Variants in PCDHGA5 observed in about 807,000 individuals in gnomAD.
PCDHGA5 encodes the protein protocadherin gamma-A5.
Under a neutral mutation model 56.7 loss-of-function variants are expected in PCDHGA5, and 36 were observed. The ratio of observed to expected loss-of-function variants is 0.64; its 90% CI spans 0.49 to 0.84. PCDHGA5 has a LOEUF of 0.84. Among genes scored for constraint, PCDHGA5 ranks in the 40% least tolerant of loss-of-function variants. The pLI is 0.00. For synonymous variants in PCDHGA5, 563 were observed against 520.2 expected, an observed-to-expected ratio of 1.08 and a Z score of -1.12; for missense variants, 1,305 against 1,201.5, an observed-to-expected ratio of 1.09 and a Z score of -1.27.
At chr5:141,508,383 T>C (rs1169318572) in intron 3 of PCDHGA5, 1 of 152,236 alleles carries the variant, frequency 6.6e-6, no homozygotes, top group Non-Finnish European at 1.5e-5. Flanking sequence ...CTCAGATTTA[T>C]AGATGGGAAA....
intron 1 of PCDHGA5, among the ~76,000 whole-genome samples, chr5:141,455,594 G>A (rs1263100982): frequency 6.6e-6 from 1 of 152,112 alleles, no homozygotes; most frequent in Non-Finnish European, 1.5e-5. Context: ...ATATGCAAAC[G>A]TAGGGCGCCA....
chr5:141,415,134 C>T (rs760482028), intron 1 of PCDHGA5: 10 of 1,613,552 alleles, frequency 6.2e-6, no homozygotes, highest in South Asian at 3.3e-5. Context: ...TCCAGGACCA[C>T]GGCCAGCCCC....
chr5:141,365,447 G>C lies in PCDHGA5; in HGVS notation c.1117G>C (p.Asp373His). Residue 373 changes from aspartate to histidine, a missense_variant, in exon 1 of 4, where the codon GAT (aspartate) becomes CAT (histidine). Transcript: ENST00000518069. Reference protein sequence around the residue: ...GTVIALFSVHDGDSGENGEIA... With the variant: ...GTVIALFSVHHGDSGENGEIA... Reference sequence around the variant, plus strand: ...TGTAATCGCGCTGTTTAGCGTACATGATGGTGATTCTGGAGAAAATGGTGA... The same window carrying C: ...TGTAATCGCGCTGTTTAGCGTACATCATGGTGATTCTGGAGAAAATGGTGA... 2 of 1,614,034 alleles carry C rather than the reference G, an allele frequency of 1.2e-6. No homozygotes were observed. Among genetic ancestry groups the C allele is most frequent in the Non-Finnish European group, 1.7e-6 (2 of 1,179,908 alleles).
chr5:141,384,524 T>C, intron 1 of PCDHGA5: 1 of 1,614,208 alleles, frequency 6.2e-7, no homozygotes. Context: ...GACCCGCCTC[T>C]CAGCAGCAAC....
At chr5:141,370,349 G>C (rs371382232) in intron 1 of PCDHGA5, 27 of 1,496,692 alleles carry the variant, frequency 1.8e-5, no homozygotes, top group Non-Finnish European at 2.3e-5. Context: ...ATTATTTAAA[G>C]ATCTCCTCTC....
chr5:141,408,656 C>G (rs1367377855), intron 1 of PCDHGA5: 1 of 1,614,030 alleles, frequency 6.2e-7, no homozygotes, highest in South Asian at 1.1e-5. Flanking sequence ...TGGTACACGA[C>G]TATCGCTTGA....
Position 141,486,369 on chromosome 5 carries a change from C to A in PCDHGA5, c.2422-8438C>A. On this transcript the variant is annotated intron_variant, in intron 1 of 3. Coordinates refer to ENST00000518069, the MANE Select transcript of PCDHGA5 (RefSeq NM_018918.3). This position sits in a 1 kb window ranked among gnomAD's most constrained non-coding sequence, Gnocchi z 5.0. ...GACCACTTGCCATTTGCCCTCAAGT[C>A]TGCCTTCAGGAACCAGTTCTCCCTG... 6.2e-7 allele frequency: 1 copy of A among 1,614,128 alleles called. No individual in the cohort carries two copies. Among genetic ancestry groups the A allele is most frequent in the African/African-American group, 1.3e-5 (1 of 75,048 alleles).
intron 1 of PCDHGA5, chr5:141,424,460 C>T (rs2096822106): frequency 6.6e-6 from 1 of 152,056 alleles, no homozygotes; most frequent in African/African-American, 2.4e-5. Context: ...GTATTATTTC[C>T]TTTTATTCTT....
chr5:141,399,355 C>A (rs1437917208), intron 1 of PCDHGA5: 1 of 1,614,006 alleles, frequency 6.2e-7, no homozygotes, highest in South Asian at 1.1e-5. Flanking sequence ...AGACCGAGAG[C>A]AAACCCCGGA....
chr5:141,399,925 C>A (rs779347793), intron 1 of PCDHGA5: 3 of 1,612,364 alleles, frequency 1.9e-6, no homozygotes, highest in South Asian at 1.1e-5. Flanking sequence ...CAACGCCTGG[C>A]TGTCCTACCA....
rs2099710385 is a variant in PCDHGA5 at position 141,491,296 on chromosome 5, G to A, written c.2422-3511G>A. 6.2e-7 allele frequency: 1 copy of A among 1,614,034 alleles called. No individual in the cohort carries two copies. Among genetic ancestry groups the A allele is most frequent in the African/African-American group, 1.3e-5 (1 of 74,924 alleles). Reference sequence around the variant, plus strand: ...CAGTGACTTCCTCATACACCCTCCTGAGCGTTCAGACCTTACCCTTTACCT... The same window carrying A: ...CAGTGACTTCCTCATACACCCTCCTAAGCGTTCAGACCTTACCCTTTACCT... On this transcript the variant is annotated intron_variant, in intron 1 of 3. Transcript: ENST00000518069. The surrounding 1 kb of genome is among the most constrained non-coding windows in gnomAD (Gnocchi z 6.9).
At chr5:141,413,189 G>C in intron 1 of PCDHGA5, 7 of 1,606,972 alleles carry the variant, frequency 4.4e-6, no homozygotes, top group Non-Finnish European at 6.0e-6. Context: ...GCCGCTCAAA[G>C]GAATCGCTCA....
intron 1 of PCDHGA5, among the ~76,000 whole-genome samples, chr5:141,473,069 A>G (rs552033483): frequency 3.9e-4 from 59 of 152,180 alleles, no homozygotes; most frequent in South Asian, 8.3e-4. Flanking sequence ...AAGTTACAGC[A>G]TCTTTGTTTA....
intron 1 of PCDHGA5, chr5:141,379,119 T>G (rs1179184154): frequency 6.6e-6 from 1 of 152,346 alleles, no homozygotes; most frequent in Admixed American, 6.5e-5. Flanking sequence ...AGAAGATACC[T>G]TGAAAATAAA....
chr5:141,419,175 C>A lies in PCDHGA5; in HGVS notation c.2421+52424C>A, dbSNP rs185228661. On this transcript the variant is annotated intron_variant, in intron 1 of 3. Transcript: ENST00000518069. Reference sequence around the variant, plus strand: ...CCGTTATCCTCCAGCAAAACCATAACCCTGCACATTACTGACGTCAATGAC... The same window carrying A: ...CCGTTATCCTCCAGCAAAACCATAAACCTGCACATTACTGACGTCAATGAC... The A allele has an allele frequency of 5.2e-4, 837 of 1,613,966 alleles. 3 individuals carry two copies. Among genetic ancestry groups the A allele is most frequent in the Non-Finnish European group, 9.3e-5 (110 of 1,179,894 alleles).
intron 1 of PCDHGA5, among the ~76,000 whole-genome samples, chr5:141,438,498 CAT>C (rs2097963931): frequency 6.7e-6 from 1 of 149,704 alleles, no homozygotes; most frequent in African/African-American, 2.5e-5. Context: ...AAAAAAGAAT[CAT>C]AGTGCAAAAC....
At chr5:141,478,108 G>A (rs1160328367) in intron 1 of PCDHGA5, 1 of 1,614,046 alleles carries the variant, frequency 6.2e-7, no homozygotes, top group Admixed American at 1.7e-5. Flanking sequence ...CCCTCACTGT[G>A]TCAGTAACCG....
intron 1 of PCDHGA5, among the ~76,000 whole-genome samples, chr5:141,445,489 G>A (rs934531418): frequency 7.2e-5 from 11 of 152,188 alleles, no homozygotes; most frequent in Non-Finnish European, 1.3e-4. Context: ...GAGTTAATGG[G>A]CCCTATTCTA....
chr5:141,417,869 A>C, intron 1 of PCDHGA5: 2 of 1,553,552 alleles, frequency 1.3e-6, no homozygotes, highest in South Asian at 2.4e-5. Context: ...GATGGGAGGG[A>C]GCTGCGCGCA....
Sources: gnomAD v4.1 joint callset for allele counts (sites outside exome capture counted in the v4.1 genomes callset) on GRCh38, gnomAD v4.1.1 for gene constraint, Gnocchi (gnomAD v3.1) non-coding constraint, MANE v1.5 for transcripts, NCBI Gene and HGNC (gene_info 2026-07-23, HGNC 2026-07-21) for gene names.